Variants in DCLRE1A observed in about 807,000 individuals in gnomAD.
The protein encoded by DCLRE1A is DNA cross-link repair 1A, also known as DNA cross-link repair 1A protein.
DCLRE1A carries 64 observed loss-of-function variants against 91.9 expected under a neutral mutation model. The ratio of observed to expected loss-of-function variants is 0.70; its 90% CI spans 0.57 to 0.86. The LOEUF (loss-of-function observed/expected upper bound fraction) is 0.86. DCLRE1A is among the 40% of genes least tolerant of loss of function. DCLRE1A has a pLI of 0.00. For missense variants in DCLRE1A, 1,145 were observed against 1,213.3 expected (o/e 0.94, Z 0.84); for synonymous variants, 416 against 431.1 (o/e 0.96, Z 0.43).
rs1445162994 is a variant in DCLRE1A, at chr10:113,845,834, C to A, written c.2260-31G>T. ...AAACAGGACGTGCTTATTGCTGATG[C>A]AGTAAAACACTAAATATTTTATTTC... On this transcript the variant is annotated intron_variant, in intron 3 of 8. Coordinates refer to ENST00000361384, the MANE Select transcript of DCLRE1A (RefSeq NM_014881.5). 4.1e-6 allele frequency: 6 copies of A among 1,476,852 alleles called. No homozygotes were observed. In the South Asian group the frequency reaches 6.8e-5, roughly 17 times the overall value. 91.5% of individuals were successfully genotyped at this position (1,476,852 alleles called of 1,614,324 possible). A position where few individuals can be genotyped will look rare whatever the true frequency, so the allele number is the denominator to read the frequency against.
chr10:113,844,319 C>T (rs1845496424), intron 4 of DCLRE1A, 75 bp from the exon 5 acceptor site: 1 of 1,559,078 alleles, frequency 6.4e-7, no homozygotes, highest in African/African-American at 1.4e-5. Context: ...TCAATATCAA[C>T]AAGTTAGCAC....
intron 8 of DCLRE1A, among the ~76,000 whole-genome samples, 167 bp from the exon 9 acceptor site, chr10:113,835,479 A>G (rs1393282089): frequency 6.6e-6 from 1 of 152,260 alleles, no homozygotes; most frequent in Non-Finnish European, 1.5e-5. Context: ...GATATCTTTT[A>G]TGAATAATAA....
chr10:113,841,032 T>C (rs1278842520), intron 7 of DCLRE1A, among the ~76,000 whole-genome samples: 2 of 152,188 alleles, frequency 1.3e-5, no homozygotes, highest in African/African-American at 4.8e-5. Flanking sequence ...TAATACAGAA[T>C]AGAATAGACC....
intron 4 of DCLRE1A, among the ~76,000 whole-genome samples, chr10:113,844,863 G>A (rs1259296559): frequency 6.6e-6 from 1 of 151,706 alleles, no homozygotes; most frequent in African/African-American, 2.4e-5. Flanking sequence ...TTGAACCCGG[G>A]AGGCAGAGGC....
intron 7 of DCLRE1A, among the ~76,000 whole-genome samples, chr10:113,838,365 A>G (rs564283919): frequency 6.6e-6 from 1 of 152,342 alleles, no homozygotes; most frequent in African/African-American, 2.4e-5. Context: ...TTCAATACAC[A>G]TCATCAAACC....
At position 113,835,223 on chromosome 10, in the gene DCLRE1A, C is replaced by G; in HGVS notation, c.3052G>C (p.Val1018Leu). 3 of 1,614,174 alleles carry G rather than the reference C, an allele frequency of 1.9e-6. No individual in the cohort carries two copies. The highest frequency in any genetic ancestry group is 2.5e-6 in the Non-Finnish European group (3 of 1,180,018). ...KPQKIIPTVN[V>L]GTWKSRSTME... ...GTGCTCCTAGATTTCCAGGTGCCCA[C>G]ATTTACAGTAGGTATGATTTTCTGG... The change falls in exon 9 of 9, where the codon GTG becomes CTG. Residue 1018 changes from valine to leucine, a missense_variant. By Grantham distance (32) the Val-to-Leu change is conservative (BLOSUM62 1). Coordinates refer to ENST00000361384, the MANE Select transcript of DCLRE1A (RefSeq NM_014881.5).
At position 113,852,840 on chromosome 10, in the gene DCLRE1A, G is replaced by GT. The variant is rs762967008; in HGVS notation, c.342dup (p.Arg115ThrfsTer5). ...GGACAGTATCCATCATAAACTGGAC[G>GT]TATCTTTGGGGACACGTGTTGGCTT... On this transcript the variant is annotated frameshift_variant, in exon 1 of 9. Coordinates refer to ENST00000361384, the MANE Select transcript of DCLRE1A (RefSeq NM_014881.5). LOFTEE classifies it high-confidence loss of function. 1.9e-6 allele frequency: 3 copies of GT among 1,614,172 alleles called. No individual in the cohort carries two copies. Among genetic ancestry groups the GT allele is most frequent in the Non-Finnish European group, 2.5e-6 (3 of 1,180,022 alleles).
At position 113,835,285 on chromosome 10, in the gene DCLRE1A, T is replaced by C. The variant is rs1229952228; in HGVS notation, c.2990A>G (p.Tyr997Cys). 6.2e-7 allele frequency: 1 copy of C among 1,612,176 alleles called. No homozygotes were observed. Among genetic ancestry groups the C allele is most frequent in the African/African-American group, 1.3e-5 (1 of 74,806 alleles). ...YGIPYSEHSS[Y>C]LEMKRFVQWL... ...CTGGACAAAGCGCTTCATTTCTAGGTAGCTGCTGTGTTCACTGTAAGGAAT... is the reference window on the plus strand; with the variant it reads ...CTGGACAAAGCGCTTCATTTCTAGGCAGCTGCTGTGTTCACTGTAAGGAAT... The change falls in exon 9 of 9, where the codon TAC (tyrosine) becomes TGC (cysteine). Residue 997 changes from tyrosine (Y) to cysteine (C), a missense_variant. Physicochemically the swap from Tyr to Cys is radical, Grantham distance 194 (BLOSUM62 -2). Coordinates refer to ENST00000361384, the MANE Select transcript of DCLRE1A (RefSeq NM_014881.5).
chr10:113,840,363 T>C (rs1304691251), intron 7 of DCLRE1A, among the ~76,000 whole-genome samples: 2 of 151,542 alleles, frequency 1.3e-5, no homozygotes, highest in Admixed American at 1.3e-4. Context: ...CTTGTTTAAG[T>C]TGGGATTTGT....
chr10:113,849,921 G>A lies in DCLRE1A; in HGVS notation c.1184C>T (p.Thr395Ile). 6.2e-7 allele frequency: 1 copy of A among 1,613,938 alleles called. No individual in the cohort carries two copies. The highest frequency in any genetic ancestry group is 8.5e-7 in the Non-Finnish European group (1 of 1,179,990). The change falls in exon 2 of 9, where the codon ACT becomes ATT. Residue 395 changes from threonine to isoleucine, a missense_variant. Transcript: ENST00000361384. ...SQPISQNNES[T>I]LPYDLACTGG... ...AGTACATGCCAGATCATAAGGCAAA[G>A]TACTCTCATTATTTTGAGAAATAGG...
chr10:113,844,161 C>A lies in DCLRE1A; in HGVS notation c.2462G>T (p.Ser821Ile), dbSNP rs1210980657. The A allele has an allele frequency of 3.1e-6, 5 of 1,614,066 alleles. No individual in the cohort carries two copies. The highest frequency in any genetic ancestry group is 4.2e-6 in the Non-Finnish European group (5 of 1,180,032). Residue 821 changes from serine (S) to isoleucine (I), a missense_variant, in exon 5 of 9, where the codon AGC (serine) becomes ATC (isoleucine). Coordinates refer to ENST00000361384, the MANE Select transcript of DCLRE1A (RefSeq NM_014881.5). ...LHTGDFRADP[S>I]MERSLLADQK... is the part of the protein sequence containing the mutation. ...GTCCGCAAGAAGAGAACGTTCCATG[C>A]TGGGATCTGCTCTGAAGTCTCCCGT...
chr10:113,848,277 A>C (rs566841312), intron 2 of DCLRE1A, among the ~76,000 whole-genome samples: 7 of 152,174 alleles, frequency 4.6e-5, no homozygotes, highest in Admixed American at 2.0e-4. Flanking sequence ...AGATCGCGCC[A>C]CTGCACTCCA....
intron 7 of DCLRE1A, among the ~76,000 whole-genome samples, chr10:113,838,747 T>C (rs747124607): frequency 2.0e-5 from 3 of 152,224 alleles, no homozygotes; most frequent in Admixed American, 6.5e-5. Context: ...TATAACATCA[T>C]TGTTATAACA....
At chr10:113,846,228 G>C (rs773105793) in intron 3 of DCLRE1A, among the ~76,000 whole-genome samples, 1 of 152,154 alleles carries the variant, frequency 6.6e-6, no homozygotes, top group Non-Finnish European at 1.5e-5. Flanking sequence ...GAATCAGACA[G>C]ATTTGCATAC....
At chr10:113,851,573 A>C (rs929966207) in intron 1 of DCLRE1A, among the ~76,000 whole-genome samples, 2 of 152,186 alleles carry the variant, frequency 1.3e-5, no homozygotes, top group Non-Finnish European at 2.9e-5. Context: ...ATATTTTAAA[A>C]GATAAAAAAC....
At chr10:113,844,354 A>G (rs1845497015) in intron 4 of DCLRE1A, 110 bp from the exon 5 acceptor site, 1 of 1,382,810 alleles carries the variant, frequency 7.2e-7, no homozygotes, top group Non-Finnish European at 9.8e-7. Flanking sequence ...CCACAATGAC[A>G]TAGCATTGCA....
chr10:113,845,611 G>A (rs985425947), intron 4 of DCLRE1A, 74 bp downstream of exon 4: 16 of 1,116,118 alleles, frequency 1.4e-5, no homozygotes, highest in Non-Finnish European at 5.4e-6. Flanking sequence ...AATGAAAAAA[G>A]TTATTAATCA....
rs757470858 is a variant in DCLRE1A, at chr10:113,852,705, C to A, written c.460+18G>T. 2 of 1,594,010 alleles carry A rather than the reference C, an allele frequency of 1.3e-6. No homozygotes were observed. The highest frequency in any genetic ancestry group is 1.8e-5 in the Admixed American group (1 of 55,886). Reference sequence around the variant, plus strand: ...TTTTTAGATTATTTAGAAACTACTACGTTTTCTGCAGTCTTACCTGTTTCA... The same window carrying A: ...TTTTTAGATTATTTAGAAACTACTAAGTTTTCTGCAGTCTTACCTGTTTCA... On this transcript the variant is annotated intron_variant, in intron 1 of 8. Transcript: ENST00000361384.
intron 1 of DCLRE1A, among the ~76,000 whole-genome samples, chr10:113,851,018 A>G (rs1259704249): frequency 6.6e-6 from 1 of 152,194 alleles, no homozygotes; most frequent in East Asian, 1.9e-4. Flanking sequence ...ATATTAAATT[A>G]GAAAACTTCA....
Sources: allele counts gnomAD v4.1 joint callset (sites outside exome capture counted in the v4.1 genomes callset), GRCh38; gene constraint gnomAD v4.1.1; transcripts MANE v1.5; gene names NCBI Gene and HGNC (gene_info 2026-07-23, HGNC 2026-07-21).